ZNF582: variants seen among roughly 807,000 people sequenced by gnomAD.
ZNF582 encodes zinc finger protein 582.
In ZNF582, 14 loss-of-function variants were observed where a neutral mutation model predicts 12.3. The ratio of observed to expected loss-of-function variants is 1.14; its 90% confidence interval spans 0.75 to 1.78. ZNF582 has a LOEUF of 1.78. ZNF582 is among the 40% of genes most tolerant of loss of function. ZNF582 has a pLI of 0.00. For missense variants in ZNF582, 567 were observed against 616.5 expected (o/e 0.92, Z 0.85); for synonymous variants, 210 against 207.2 (o/e 1.01, Z -0.11).
intron 3 of ZNF582, 71 bp downstream of exon 3, chr19:56,390,304 G>A: frequency 6.2e-7 from 1 of 1,603,004 alleles, no homozygotes; most frequent in South Asian, 1.1e-5. Flanking sequence ...AGACTGAAAA[G>A]CACCCAAAAA....
At chr19:56,393,193 G>C in intron 1 of ZNF582, 27 bp downstream of exon 1, 2 of 1,264,880 alleles carry the variant, frequency 1.6e-6, no homozygotes, top group Non-Finnish European at 2.0e-6. Context: ...CGCAATTTCA[G>C]GGGGTCGGAG....
chr19:56,385,082 C>T (rs781649927), exon 5 of ZNF582: 1 of 1,614,084 alleles, frequency 6.2e-7, no homozygotes, highest in Non-Finnish European at 8.5e-7. Flanking sequence ...ACACTCAAGA[C>T]CATAACTTGT....
chr19:56,390,720 G>C (rs2042008148), intron 2 of ZNF582, among the ~76,000 whole-genome samples: 1 of 152,160 alleles, frequency 6.6e-6, no homozygotes, highest in African/African-American at 2.4e-5. Context: ...TCTGTGTACA[G>C]GTCTGGGATG....
intron 2 of ZNF582, 43 bp from the exon 3 acceptor site, chr19:56,390,544 T>A (rs1233291533): frequency 6.2e-7 from 1 of 1,609,532 alleles, no homozygotes; most frequent in Middle Eastern, 1.7e-4. Context: ...TTTCAATGGT[T>A]CACAGTGGGA....
chr19:56,390,535 T>C, intron 2 of ZNF582, 34 bp from the exon 3 acceptor site: 1 of 1,612,548 alleles, frequency 6.2e-7, no homozygotes, highest in Non-Finnish European at 8.5e-7. Context: ...ATATATGTAT[T>C]TCAATGGTTC....
In ZNF582 at chr19:56,384,519, C is replaced by CT. The variant is rs1568783103; in HGVS notation, c.897dup (p.Val300SerfsTer4). On this transcript the variant is annotated frameshift_variant, in exon 5 of 5. Coordinates refer to ENST00000586929, the Ensembl canonical transcript of ZNF582. LOFTEE classifies it low-confidence loss of function (END_TRUNC). ...TCACCAGTATGAATTCTATAATGTA[C>CT]TTTAAGATGTGAGATCCGATTGAAG... 1 of 1,613,346 alleles carries CT rather than the reference C, an allele frequency of 6.2e-7. No homozygotes were observed. The highest frequency in any genetic ancestry group is 2.2e-5 in the East Asian group (1 of 44,860).
exon 3 of ZNF582, chr19:56,390,479 A>C: frequency 6.2e-7 from 1 of 1,614,156 alleles, no homozygotes; most frequent in Non-Finnish European, 8.5e-7. Context: ...GACTATGGCC[A>C]CATCCCTGAA....
chr19:56,391,394 G>A (rs537896248), intron 2 of ZNF582, among the ~76,000 whole-genome samples: 3 of 152,232 alleles, frequency 2.0e-5, no homozygotes, highest in South Asian at 2.1e-4. Flanking sequence ...TGTACCATGC[G>A]CTGAAACTGA....
intron 4 of ZNF582, among the ~76,000 whole-genome samples, chr19:56,385,799 T>G (rs1470134286): frequency 6.6e-6 from 1 of 152,114 alleles, no homozygotes; most frequent in Admixed American, 6.5e-5. Flanking sequence ...AGCAAATCAT[T>G]GGTTTGACGG....
Position 56,393,217 on chromosome 19 carries a change from CACCT to C in ZNF582, c.-82_-81+2del, listed in dbSNP as rs1568789868. On this transcript the variant is annotated splice_donor_variant and 5_prime_UTR_variant, in exon 1 of 5. Coordinates refer to ENST00000586929, the Ensembl canonical transcript of ZNF582. LOFTEE classifies it low-confidence loss of function (5UTR_SPLICE). The stretch of plus-strand genomic sequence containing the variant: ...AGGGGGTCGGAGACCCCTGCGCACC[CACCT>C]AAGGGGTCCATGCACCTGGGCTATG... The C allele has an allele frequency of 2.4e-6, 3 of 1,260,250 alleles. No individual in the cohort carries two copies. The highest frequency in any genetic ancestry group is 4.4e-4 in the Middle Eastern group (2 of 4,522). 78.1% of individuals were successfully genotyped at this position (1,260,250 alleles called of 1,614,324 possible). A position where few individuals can be genotyped will look rare whatever the true frequency, so the allele number is the denominator to read the frequency against.
At chr19:56,390,351 A>C (rs1163530224) in intron 3 of ZNF582, 24 bp downstream of exon 3, 1 of 1,614,060 alleles carries the variant, frequency 6.2e-7, no homozygotes, top group Admixed American at 1.7e-5. Flanking sequence ...ATAACCTCCA[A>C]ACTAACAGAC....
intron 4 of ZNF582, chr19:56,386,391 G>T (rs778354261): frequency 3.3e-5 from 5 of 152,176 alleles, no homozygotes; most frequent in Admixed American, 6.5e-5. Context: ...TCAACTGAAT[G>T]ACATTTCTTA....
Position 56,390,040 on chromosome 19 carries a change from A to C in ZNF582, c.193T>G (p.Trp65Gly), listed in dbSNP as rs369155373. The C allele has an allele frequency of 4.1e-5, 66 of 1,613,770 alleles. No homozygotes were observed. The East Asian group carries it at 4.5e-4, about 11-fold the overall frequency. ...CCAGACACCACTCTCTCCACCATCC[A>C]GGGCTCTTTGCCTTGCTCTAGGAAG... The change falls in exon 4 of 5, where the codon TGG (tryptophan) becomes GGG (glycine). Residue 65 changes from tryptophan (W) to glycine (G), a missense_variant. Trp to Gly is a radical substitution (Grantham distance 184). Transcript: ENST00000586929.
intron 1 of ZNF582, 59 bp from the exon 2 acceptor site, chr19:56,391,891 C>T: frequency 6.9e-7 from 1 of 1,450,442 alleles, no homozygotes; most frequent in Non-Finnish European, 9.6e-7. Context: ...CCTAGAATGC[C>T]AAGTTACAAG....
chr19:56,386,526 G>A (rs2041967396), intron 4 of ZNF582: 1 of 152,354 alleles, frequency 6.6e-6, no homozygotes, highest in Non-Finnish European at 1.5e-5. Context: ...TCCTTCTAGA[G>A]CAACATACTT....
At chr19:56,390,475 G>A (rs1230502449) in exon 3 of ZNF582, 1 of 1,614,072 alleles carries the variant, frequency 6.2e-7, no homozygotes, top group Non-Finnish European at 8.5e-7. Context: ...AGAAGACTAT[G>A]GCCACATCCC....
At chr19:56,385,214 GCTT>G (rs747598029) in intron 4 of ZNF582, 30 bp from the exon 5 acceptor site, 11 of 1,534,950 alleles carry the variant, frequency 7.2e-6, no homozygotes, top group Non-Finnish European at 8.7e-6. Context: ...AATATGTTTG[GCTT>G]CTTTTTTTTT....
Position 56,384,601 on chromosome 19 carries a change from TTCAA to T in ZNF582, c.812_815del (p.Ile271AsnfsTer55), listed in dbSNP as rs747248463. On this transcript the variant is annotated frameshift_variant, in exon 5 of 5. Transcript: ENST00000586929. LOFTEE classifies it low-confidence loss of function (END_TRUNC). ...TCTCGCCTGTGTGAGTTCGCTGATG[TTCAA>T]TCAACTGTGAGCTTCGACTAAAGGC... 1.2e-6 allele frequency: 2 copies of T among 1,614,122 alleles called. No individual in the cohort carries two copies. The highest frequency in any genetic ancestry group is 1.7e-5 in the Admixed American group (1 of 60,028).
intron 4 of ZNF582, chr19:56,386,840 C>G (rs1351023118): frequency 1.3e-5 from 2 of 152,370 alleles, no homozygotes; most frequent in Non-Finnish European, 1.5e-5. Flanking sequence ...GAGCCACCAT[C>G]CCCAGCCTCA....
Sources: allele counts gnomAD v4.1 joint callset (sites outside exome capture counted in the v4.1 genomes callset), GRCh38; gene constraint gnomAD v4.1.1; transcripts MANE v1.5; gene names NCBI Gene and HGNC (gene_info 2026-07-23, HGNC 2026-07-21).